The following ARSB variants were observed in gnomAD, a reference collection of about 807,000 sequenced individuals.
ARSB encodes N-acetylgalactosamine-4-sulfatase.
A neutral mutation model predicts 50.9 loss-of-function variants in ARSB; 41 were observed. The observed-to-expected ratio is 0.81, with a 90% CI of 0.63 to 1.04. The LOEUF is 1.04. Ranked by LOEUF, ARSB falls within the 50% of genes least tolerant of loss-of-function variation. The pLI, the probability that ARSB is intolerant of heterozygous loss-of-function variation, is 0.00. For synonymous variants in ARSB, 269 were observed against 284.8 expected (o/e 0.94, Z 0.56); for missense variants, 672 against 693.3 (o/e 0.97, Z 0.35).
At chr5:78,941,989 C>A (rs1363928517) in intron 4 of ARSB, among the ~76,000 whole-genome samples, 1 of 152,166 alleles carries the variant, frequency 6.6e-6, no homozygotes, top group East Asian at 1.9e-4. Context: ...AGAGATTCAA[C>A]TTCTTCCTGG....
chr5:78,985,372 T>A, upstream of ARSB: 1 of 1,013,476 alleles, frequency 9.9e-7, no homozygotes, highest in East Asian at 3.6e-5. Context: ...CAGCGGGCCG[T>A]GGGCTTGCGA....
Position 78,882,414 on chromosome 5 carries a change from A to G in ARSB, c.1142+3170T>C, listed in dbSNP as rs375997699. Among the ~76,000 whole-genome samples the G allele has an allele frequency of 1.2e-4, 18 of 152,346 alleles. No homozygotes were observed. In the East Asian group the frequency reaches 1.5e-3, roughly 13 times the overall value. ...CTCCAGTTTGGGGTATTGTTTTTCAAGCCCCAACATTGGTCACTTTCTTTA... is the reference window on the plus strand; with the variant it reads ...CTCCAGTTTGGGGTATTGTTTTTCAGGCCCCAACATTGGTCACTTTCTTTA... On this transcript the variant is annotated intron_variant, in intron 5 of 7. Transcript: ENST00000264914.
At chr5:78,939,744 A>C (rs1240634643) in intron 4 of ARSB, among the ~76,000 whole-genome samples, 2 of 152,048 alleles carry the variant, frequency 1.3e-5, no homozygotes, top group Non-Finnish European at 2.9e-5. Flanking sequence ...ATAAACATAC[A>C]TGTGCATGTG....
intron 4 of ARSB, among the ~76,000 whole-genome samples, chr5:78,936,484 A>T (rs1325598317): frequency 1.4e-5 from 2 of 146,826 alleles, no homozygotes; most frequent in African/African-American, 5.3e-5. Context: ...CTCCTAAGAA[A>T]AAAAAAAAAA....
chr5:78,980,844 A>AT (rs996668635), intron 1 of ARSB, among the ~76,000 whole-genome samples: 9 of 151,474 alleles, frequency 5.9e-5, no homozygotes, highest in Admixed American at 3.9e-4. Context: ...TAAAATACGG[A>AT]TTTTTTTAAA....
At chr5:78,827,889 A>C (rs1007909411) in intron 6 of ARSB, among the ~76,000 whole-genome samples, 2 of 151,468 alleles carry the variant, frequency 1.3e-5, no homozygotes, top group African/African-American at 4.9e-5. Flanking sequence ...CTTCACTGAG[A>C]GTTTCCGGTC....
chr5:78,782,081 G>T lies in ARSB; in HGVS notation c.1214-107C>A. ...ACAGTAGCTTTTATTCAACACTGGA[G>T]TGCAAATGTGTATCTTGCCACAGAA... On this transcript the variant is annotated intron_variant, in intron 6 of 7. Transcript: ENST00000264914. The T allele has an allele frequency of 4.5e-6, 6 of 1,341,642 alleles. No individual in the cohort carries two copies. The South Asian group carries it at 6.0e-5, about 13-fold the overall frequency. 83.1% of individuals were successfully genotyped at this position (1,341,642 alleles called of 1,614,324 possible). A position where few individuals can be genotyped will look rare whatever the true frequency, so the allele number is the denominator to read the frequency against.
intron 6 of ARSB, among the ~76,000 whole-genome samples, chr5:78,782,951 T>A (rs1052147677): frequency 5.3e-5 from 8 of 152,118 alleles, no homozygotes; most frequent in South Asian, 2.1e-4. Context: ...ACATGCTCAG[T>A]TCCTCCTTTT....
intron 5 of ARSB, among the ~76,000 whole-genome samples, chr5:78,853,863 C>A (rs896304175): frequency 6.6e-6 from 1 of 152,254 alleles, no homozygotes; most frequent in Admixed American, 6.5e-5. Flanking sequence ...CCCTCTGAGC[C>A]AGGTGCGGGA....
At chr5:78,937,446 TC>T (rs1750682059) in intron 4 of ARSB, among the ~76,000 whole-genome samples, 1 of 144,950 alleles carries the variant, frequency 6.9e-6, no homozygotes, top group Non-Finnish European at 1.5e-5. Flanking sequence ...GATATATATA[TC>T]TTATATATAT....
Position 78,885,593 on chromosome 5 carries a change from T to C in ARSB, c.1133A>G (p.Lys378Arg). The change falls in exon 5 of 8, where the codon AAA (lysine) becomes AGA (arginine). Residue 378 changes from lysine (K) to arginine (R), a missense_variant. Lys to Arg is a conservative substitution (Grantham distance 26). Transcript: ENST00000264914. ...TKPLDGFDVWKTISEGSPSPR... is the reference protein window; with the variant it reads ...TKPLDGFDVWRTISEGSPSPR... ...GGCAGGGTGTAGGTACCTGATGGTT[T>C]TCCACACGTCGAAGCCATCCAGAGG... 6 of 1,613,838 alleles carry C rather than the reference T, an allele frequency of 3.7e-6. No individual in the cohort carries two copies. The highest frequency in any genetic ancestry group is 5.1e-6 in the Non-Finnish European group (6 of 1,180,012).
intron 4 of ARSB, among the ~76,000 whole-genome samples, chr5:78,902,916 G>C (rs992061539): frequency 1.4e-4 from 21 of 152,080 alleles, no homozygotes; most frequent in Non-Finnish European, 1.6e-4. Context: ...GAATTTCATG[G>C]TATATGAATT....
At chr5:78,940,114 C>T (rs1370059616) in intron 4 of ARSB, among the ~76,000 whole-genome samples, 1 of 151,604 alleles carries the variant, frequency 6.6e-6, no homozygotes, top group Non-Finnish European at 1.5e-5. Flanking sequence ...CCTTCGCCCA[C>T]TTTTTGATGG....
At chr5:78,861,995 C>T (rs1227101168) in intron 5 of ARSB, among the ~76,000 whole-genome samples, 4 of 152,068 alleles carry the variant, frequency 2.6e-5, no homozygotes, top group South Asian at 2.1e-4. Context: ...AACCAAATCA[C>T]AACTGAACTC....
chr5:78,875,721 G>A (rs930499076), intron 5 of ARSB, among the ~76,000 whole-genome samples: 1 of 151,102 alleles, frequency 6.6e-6, no homozygotes, highest in Non-Finnish European at 1.5e-5. Flanking sequence ...AGGCTGAAGT[G>A]CAGCGGCGCA....
At chr5:78,859,887 C>G (rs1746344182) in intron 5 of ARSB, among the ~76,000 whole-genome samples, 1 of 152,062 alleles carries the variant, frequency 6.6e-6, no homozygotes, top group Non-Finnish European at 1.5e-5. Flanking sequence ...GAACATGGAA[C>G]CACCTAACAA....
rs1554032099 is a variant in ARSB, at chr5:78,984,968, G to T, written c.281C>A (p.Ser94Ter). Residue 94 changes from serine to a stop codon, truncating the protein, a stop_gained, in exon 1 of 8, where the codon TCG becomes TAG. Transcript: ENST00000264914. LOFTEE classifies it high-confidence loss of function. Reference sequence around the variant, plus strand: ...GCGGCCAGTGAGCAGCTGGCTCCGCGACGGCGTGCACAGCGGCTGCGTGTA... The same window carrying T: ...GCGGCCAGTGAGCAGCTGGCTCCGCTACGGCGTGCACAGCGGCTGCGTGTA... Reference protein sequence around the residue: ...NYYTQPLCTPSRSQLLTGRYQ... With the variant: ...NYYTQPLCTP 1 of 1,493,560 alleles carries T rather than the reference G, an allele frequency of 6.7e-7. No homozygotes were observed. Among genetic ancestry groups the T allele is most frequent in the East Asian group, 2.8e-5 (1 of 36,016 alleles). 92.5% of individuals were successfully genotyped at this position (1,493,560 alleles called of 1,614,324 possible).
intron 6 of ARSB, among the ~76,000 whole-genome samples, chr5:78,822,637 C>T (rs867462325): frequency 6.1e-4 from 93 of 151,992 alleles, no homozygotes; most frequent in African/African-American, 2.1e-3. Context: ...CTGTTTTTTT[C>T]TTCGTTTGTT....
chr5:78,894,223 T>C (rs1331218499), intron 4 of ARSB, among the ~76,000 whole-genome samples: 3 of 152,196 alleles, frequency 2.0e-5, no homozygotes, highest in Non-Finnish European at 4.4e-5. Context: ...ACAGGTGTAC[T>C]AACAACTTGC....
Sources: allele counts gnomAD v4.1 joint callset (sites outside exome capture counted in the v4.1 genomes callset), GRCh38; gene constraint gnomAD v4.1.1; transcripts MANE v1.5; gene names NCBI Gene and HGNC (gene_info 2026-07-23, HGNC 2026-07-21).